PJA2: variants seen among roughly 807,000 people sequenced by gnomAD.
PJA2 encodes the protein praja ring finger ubiquitin ligase 2, also known as E3 ubiquitin-protein ligase Praja-2.
A neutral mutation model predicts 69.3 loss-of-function variants in PJA2; 25 were observed. The ratio of observed to expected loss-of-function variants is 0.36; its 90% CI spans 0.26 to 0.50. The LOEUF (loss-of-function observed/expected upper bound fraction) is 0.50. PJA2 is among the 20% of genes least tolerant of loss of function. The pLI, the probability that PJA2 is intolerant of heterozygous loss-of-function variation, is 0.96. For missense variants in PJA2, 809 were observed against 830.2 expected (o/e 0.97, Z 0.31); for synonymous variants, 308 against 277.8 (o/e 1.11, Z -1.08).
chr5:109,372,923 A>AAAAAAAAAAAAAAAG (rs1272538036), intron 4 of PJA2, among the ~76,000 whole-genome samples: 20 of 136,852 alleles, frequency 1.5e-4, no homozygotes, highest in Non-Finnish European at 2.0e-4. Flanking sequence ...AAAAAAAAAA[A>AAAAAAAAAAAAAAAG]AAAGAAAGAA....
intron 4 of PJA2, among the ~76,000 whole-genome samples, chr5:109,371,199 C>T (rs1007383355): frequency 6.6e-6 from 1 of 152,148 alleles, no homozygotes; most frequent in African/African-American, 2.4e-5. Context: ...ACTCATGATA[C>T]CTAACCCTCA....
At chr5:109,379,313 T>A (rs1171713811) in intron 3 of PJA2, 59 bp from the exon 4 acceptor site, 2 of 1,202,420 alleles carry the variant, frequency 1.7e-6, no homozygotes, top group Non-Finnish European at 2.3e-6. Flanking sequence ...AAATTTTATG[T>A]AATAACTATC....
At chr5:109,366,117 T>C (rs1275142102) in intron 5 of PJA2, among the ~76,000 whole-genome samples, 3 of 152,196 alleles carry the variant, frequency 2.0e-5, no homozygotes, top group Admixed American at 6.5e-5. Context: ...TTTGGTGTAC[T>C]ACATCATTCT....
chr5:109,372,879 T>C (rs1271030032), intron 4 of PJA2, among the ~76,000 whole-genome samples: 2 of 111,458 alleles, frequency 1.8e-5, no homozygotes, highest in East Asian at 2.8e-4. Context: ...CACTCCAGCC[T>C]TGGCAACTAG....
At chr5:109,383,922 C>G (rs140801511) in intron 1 of PJA2, among the ~76,000 whole-genome samples, 1 of 151,846 alleles carries the variant, frequency 6.6e-6, no homozygotes, top group East Asian at 1.9e-4. Context: ...AGTGAGATCC[C>G]GTCCCAAAAA....
At chr5:109,344,100 CAAAAAA>C (rs916556182) in intron 9 of PJA2, 84 bp downstream of exon 9, 293 of 398,168 alleles carry the variant, frequency 7.4e-4, no homozygotes, top group East Asian at 1.6e-3. Context: ...TTTGTCTCAC[CAAAAAA>C]AAAAAAAAAA....
At chr5:109,342,603 A>G (rs1762094225) in intron 9 of PJA2, among the ~76,000 whole-genome samples, 1 of 65,558 alleles carries the variant, frequency 1.5e-5, no homozygotes, top group Non-Finnish European at 2.9e-5. Context: ...CCCTACTGGG[A>G]AGTGAGGAGC....
chr5:109,363,573 C>T (rs990934731), intron 5 of PJA2, among the ~76,000 whole-genome samples: 9 of 152,196 alleles, frequency 5.9e-5, no homozygotes, highest in Admixed American at 2.0e-4. Context: ...TGAATTTTTA[C>T]TTTGCTACTT....
intron 1 of PJA2, among the ~76,000 whole-genome samples, chr5:109,399,692 A>C (rs1431134944): frequency 6.6e-6 from 1 of 152,198 alleles, no homozygotes; most frequent in African/African-American, 2.4e-5. Context: ...CTGCATATAA[A>C]GTCTGCCATT....
chr5:109,366,094 T>C (rs550414153), intron 5 of PJA2, among the ~76,000 whole-genome samples: 1 of 152,282 alleles, frequency 6.6e-6, no homozygotes, highest in South Asian at 2.1e-4. Context: ...TTGTCATAAT[T>C]ATGCAATTGA....
rs1761931678 is a variant in PJA2 at position 109,335,974 on chromosome 5, A to G, written c.*1257T>C. On this transcript the variant is annotated 3_prime_UTR_variant, in exon 10 of 10. Transcript: ENST00000361189. Reference sequence around the variant, plus strand: ...GTTATGTTCCTTATATTTAAGCCTCATATGTGCCAACAGTGAAAATTCATT... The same window carrying G: ...GTTATGTTCCTTATATTTAAGCCTCGTATGTGCCAACAGTGAAAATTCATT... 2 of 152,640 alleles carry G rather than the reference A, an allele frequency of 1.3e-5. No homozygotes were observed. Among genetic ancestry groups the G allele is most frequent in the African/African-American group, 2.4e-5 (1 of 41,452 alleles). The allele number at this position is 152,640 out of a possible 1,614,324, so 9.5% of individuals were successfully genotyped here. A position where few individuals can be genotyped will look rare whatever the true frequency, so the allele number is the denominator to read the frequency against.
intron 2 of PJA2, among the ~76,000 whole-genome samples, chr5:109,382,489 A>G (rs2127008395): frequency 1.3e-5 from 2 of 152,320 alleles, no homozygotes; most frequent in South Asian, 4.1e-4. Context: ...TTAGTCAATT[A>G]TACATTACAT....
intron 9 of PJA2, among the ~76,000 whole-genome samples, chr5:109,338,588 G>A (rs1761986152): frequency 7.7e-6 from 1 of 129,630 alleles, no homozygotes; most frequent in Non-Finnish European, 1.5e-5. Flanking sequence ...AGTGAGCTGA[G>A]ACAGCACCAT....
chr5:109,341,310 G>T (rs1246353541), intron 9 of PJA2, among the ~76,000 whole-genome samples: 1 of 149,208 alleles, frequency 6.7e-6, no homozygotes, highest in Non-Finnish European at 1.5e-5. Flanking sequence ...TGGGATGTGA[G>T]GAGCGCCTCT....
At chr5:109,407,454 T>C (rs1010251042) in intron 1 of PJA2, among the ~76,000 whole-genome samples, 2 of 152,198 alleles carry the variant, frequency 1.3e-5, no homozygotes, top group Non-Finnish European at 2.9e-5. Context: ...TAATTAATGC[T>C]AAAACATTAG....
chr5:109,379,351 A>C, intron 3 of PJA2, 97 bp from the exon 4 acceptor site: 2 of 853,200 alleles, frequency 2.3e-6, no homozygotes, highest in Non-Finnish European at 3.5e-6. Context: ...ACCAATTATT[A>C]CTACTTGAAT....
chr5:109,338,961 G>A (rs925207247), intron 9 of PJA2, among the ~76,000 whole-genome samples: 1 of 152,084 alleles, frequency 6.6e-6, no homozygotes, highest in African/African-American at 2.4e-5. Context: ...ATTTAAAGAC[G>A]GCATTTATTA....
chr5:109,338,228 G>C (rs1399456108), intron 9 of PJA2, among the ~76,000 whole-genome samples: 1 of 152,164 alleles, frequency 6.6e-6, no homozygotes, highest in Non-Finnish European at 1.5e-5. Context: ...AGCAGGAAAG[G>C]CTTCACACTA....
At chr5:109,355,875 C>T (rs775118727) in intron 7 of PJA2, 40 bp downstream of exon 7, 16 of 1,371,706 alleles carry the variant, frequency 1.2e-5, no homozygotes, top group Non-Finnish European at 1.6e-5. Context: ...CATTTTGTAT[C>T]CCATCAACTT....
Sources: gnomAD v4.1 joint callset for allele counts (sites outside exome capture counted in the v4.1 genomes callset) on GRCh38, gnomAD v4.1.1 for gene constraint, MANE v1.5 for transcripts, NCBI Gene and HGNC (gene_info 2026-07-23, HGNC 2026-07-21) for gene names.